Variants in TANGO6 observed in about 807,000 individuals in gnomAD.
TANGO6 encodes transport and Golgi organization protein 6 homolog.
Under a neutral mutation model 114.2 loss-of-function variants are expected in TANGO6, and 90 were observed. The observed-to-expected ratio is 0.79, with a 90% CI of 0.66 to 0.94. The LOEUF is 0.94. Among genes scored for constraint, TANGO6 ranks in the 40% least tolerant of loss-of-function variants. The pLI is 0.00. For synonymous variants in TANGO6, 477 were observed against 509.8 expected, an observed-to-expected ratio of 0.94 and a Z score of 0.87; for missense variants, 1,274 against 1,315.3, an observed-to-expected ratio of 0.97 and a Z score of 0.49.
At chr16:69,050,018 T>C (rs1369522376) in intron 17 of TANGO6, among the ~76,000 whole-genome samples, 1 of 152,242 alleles carries the variant, frequency 6.6e-6, no homozygotes, top group Non-Finnish European at 1.5e-5. Flanking sequence ...TTGGCTATTT[T>C]AAACAATGCT....
chr16:68,991,984 TGA>T (rs963431881), intron 15 of TANGO6, among the ~76,000 whole-genome samples: 1 of 151,916 alleles, frequency 6.6e-6, no homozygotes, highest in African/African-American at 2.4e-5. Context: ...GAGGAATAAA[TGA>T]GAGACCATCA....
chr16:68,939,344 C>T (rs889410049), intron 14 of TANGO6, among the ~76,000 whole-genome samples: 2 of 151,888 alleles, frequency 1.3e-5, no homozygotes, highest in East Asian at 3.9e-4. Flanking sequence ...GAGCCAAGAT[C>T]GCGCCATTGC....
chr16:69,016,994 C>T (rs147814913), intron 15 of TANGO6, among the ~76,000 whole-genome samples: 221 of 152,120 alleles, frequency 1.5e-3, no homozygotes, highest in Middle Eastern at 0.01. Flanking sequence ...ATGGTTTCAA[C>T]GTTATTTATT....
intron 15 of TANGO6, among the ~76,000 whole-genome samples, chr16:69,007,821 T>G (rs1326324079): frequency 6.6e-6 from 1 of 152,220 alleles, no homozygotes; most frequent in African/African-American, 2.4e-5. Context: ...TATTATTGTC[T>G]GCCCTTTTGA....
intron 14 of TANGO6, among the ~76,000 whole-genome samples, chr16:68,940,148 G>GT (rs896329481): frequency 1.5e-5 from 1 of 65,142 alleles, no homozygotes; most frequent in Non-Finnish European, 3.3e-5. Context: ...TTTTTATTTT[G>GT]TTTTTCCTTC....
chr16:68,901,661 G>A (rs1056216413), intron 8 of TANGO6, among the ~76,000 whole-genome samples: 6 of 152,180 alleles, frequency 3.9e-5, no homozygotes, highest in African/African-American at 1.4e-4. Context: ...GCTAATTTTT[G>A]TAGTTTTAGT....
intron 16 of TANGO6, among the ~76,000 whole-genome samples, chr16:69,028,393 G>T (rs144493455): frequency 0.075 from 11,374 of 152,090 alleles, 582 homozygotes; most frequent in Non-Finnish European, 0.11. Context: ...ACTTTGGGAG[G>T]CCAAGGCAGG....
chr16:69,023,566 A>G (rs2152228425), intron 16 of TANGO6, among the ~76,000 whole-genome samples: 1 of 152,268 alleles, frequency 6.6e-6, no homozygotes, highest in South Asian at 2.1e-4. Context: ...ATAGAGTCTG[A>G]TGTAACTAAC....
intron 17 of TANGO6, among the ~76,000 whole-genome samples, chr16:69,046,063 C>CAA (rs61017260): frequency 0.38 from 36,116 of 95,500 alleles, 6,846 homozygotes; most frequent in East Asian, 0.57. Context: ...GACTCCAACT[C>CAA]AAAAAAAAAA....
At chr16:69,048,258 A>ATTTTTTTTTTTTTTTTTTTTTTTT (rs71383949) in intron 17 of TANGO6, among the ~76,000 whole-genome samples, 1 of 111,664 alleles carries the variant, frequency 9.0e-6, no homozygotes, top group Non-Finnish European at 1.7e-5. Flanking sequence ...AATTTTTTGT[A>ATTTTTTTTTTTTTTTTTTTTTTTT]TTTTTTTTTT....
chr16:68,860,209 ACAACAGAAGACTGTCCAGTTCGTTTTG>A lies in TANGO6; in HGVS notation c.423_449del (p.Gln142_Gln150del). On this transcript the variant is annotated inframe_deletion, in exon 2 of 18. Transcript: ENST00000261778. ...TGAGCCCCGATGCACTTAGTATCTC[ACAACAGAAGACTGTCCAGTTCGTTTTG>A]CAGTTTGTAGTTACCTTGGGTATCT... 6.2e-7 allele frequency: 1 copy of A among 1,612,870 alleles called. No individual in the cohort carries two copies. Among genetic ancestry groups the A allele is most frequent in the Non-Finnish European group, 8.5e-7 (1 of 1,178,894 alleles).
intron 7 of TANGO6, among the ~76,000 whole-genome samples, chr16:68,890,299 G>A (rs542018972): frequency 6.6e-6 from 1 of 152,298 alleles, no homozygotes; most frequent in Admixed American, 6.5e-5. Flanking sequence ...TCTAACATTT[G>A]TATGGGGTAT....
chr16:68,986,416 G>C (rs551432886), intron 15 of TANGO6, among the ~76,000 whole-genome samples: 2 of 151,968 alleles, frequency 1.3e-5, no homozygotes, highest in African/African-American at 2.4e-5. Flanking sequence ...TAGGCTTTAC[G>C]GGGTGTTTCC....
At chr16:69,071,700 C>G (rs1016223536) in intron 17 of TANGO6, among the ~76,000 whole-genome samples, 1 of 152,090 alleles carries the variant, frequency 6.6e-6, no homozygotes. Context: ...TATAATCAAA[C>G]AAATCAATTT....
intron 6 of TANGO6, among the ~76,000 whole-genome samples, chr16:68,879,142 T>C (rs1017861433): frequency 6.6e-6 from 1 of 152,110 alleles, no homozygotes; most frequent in African/African-American, 2.4e-5. Flanking sequence ...TATAAAACTT[T>C]AAAAACTTTT....
chr16:68,955,015 A>G lies in TANGO6; in HGVS notation c.2702-19013A>G, dbSNP rs1163985353. Among the ~76,000 whole-genome samples, 3 of 152,324 alleles carry G rather than the reference A, an allele frequency of 2.0e-5. No homozygotes were observed. The East Asian group carries it at 5.8e-4, about 29-fold the overall frequency. Reference sequence around the variant, plus strand: ...AGGGAAACTGAATTGTTTCATGACAACAAGGTTCAGGGACTAGTACAGATT... The same window carrying G: ...AGGGAAACTGAATTGTTTCATGACAGCAAGGTTCAGGGACTAGTACAGATT... On this transcript the variant is annotated intron_variant, in intron 14 of 17. Coordinates refer to ENST00000261778, the MANE Select transcript of TANGO6 (RefSeq NM_024562.2).
chr16:68,926,132 A>G (rs1183074812), intron 12 of TANGO6, among the ~76,000 whole-genome samples: 1 of 152,128 alleles, frequency 6.6e-6, no homozygotes. Flanking sequence ...AGATGCTTTA[A>G]AAAAGTCCAT....
intron 1 of TANGO6, chr16:68,846,502 C>CTTT: frequency 3.9e-5 from 12 of 310,718 alleles, no homozygotes; most frequent in East Asian, 1.3e-4. Flanking sequence ...ACGATTCTTT[C>CTTT]TTTTTTTTTT....
At chr16:68,870,609 A>G (rs1360489963) in intron 4 of TANGO6, among the ~76,000 whole-genome samples, 1 of 152,082 alleles carries the variant, frequency 6.6e-6, no homozygotes, top group Non-Finnish European at 1.5e-5. Context: ...TTGTGCATGT[A>G]TATATTTGTT....
Sources: allele counts gnomAD v4.1 joint callset (sites outside exome capture counted in the v4.1 genomes callset), GRCh38; gene constraint gnomAD v4.1.1; transcripts MANE v1.5; gene names NCBI Gene and HGNC (gene_info 2026-07-23, HGNC 2026-07-21).